CNTN6: variants seen among roughly 807,000 people sequenced by gnomAD.
The protein encoded by CNTN6 is contactin 6.
CNTN6 carries 137 observed loss-of-function variants against 122.8 expected under a neutral mutation model. The ratio of observed to expected loss-of-function variants is 1.12; its 90% CI spans 0.97 to 1.29. The LOEUF is 1.29. Ranked by LOEUF, CNTN6 falls within the 50% of genes most tolerant of loss-of-function variation. The pLI is 0.00. For synonymous variants in CNTN6, 570 were observed against 426.0 expected, an observed-to-expected ratio of 1.34 and a Z score of -4.16; for missense variants, 1,634 against 1,223.4, an observed-to-expected ratio of 1.34 and a Z score of -5.01.
chr3:1,245,232 A>G (rs1559595724), intron 4 of CNTN6, among the ~76,000 whole-genome samples: 171 of 13,178 alleles, frequency 0.013, 48 homozygotes, highest in African/African-American at 0.071. Flanking sequence ...ATATATATAT[A>G]TATACACACA....
At chr3:1,151,520 T>C (rs957375530) in intron 2 of CNTN6, among the ~76,000 whole-genome samples, 4 of 152,208 alleles carry the variant, frequency 2.6e-5, no homozygotes, top group African/African-American at 4.8e-5. Flanking sequence ...TATGCTTTAC[T>C]GATTCTCCAT....
chr3:1,387,768 G>GAGTT (rs199631036), intron 20 of CNTN6, among the ~76,000 whole-genome samples: 23,403 of 152,182 alleles, frequency 0.15, 1,965 homozygotes, highest in Non-Finnish European at 0.18. Context: ...AGGGGTCAGG[G>GAGTT]AGTTCCCTTT....
At chr3:1,228,584 A>G (rs1007609678) in intron 4 of CNTN6, among the ~76,000 whole-genome samples, 68 of 152,310 alleles carry the variant, frequency 4.5e-4, no homozygotes, top group Non-Finnish European at 4.7e-4. Context: ...TCCTTTATAT[A>G]TAGTGTTTCC....
At chr3:1,310,934 G>T (rs145475542) in intron 7 of CNTN6, among the ~76,000 whole-genome samples, 2,073 of 152,182 alleles carry the variant, frequency 0.014, 57 homozygotes, top group African/African-American at 0.047. Context: ...CCGGGAGGCA[G>T]AAGTTGCTGT....
Position 1,325,900 on chromosome 3 carries a change from G to A in CNTN6, c.1032G>A (p.Lys344=), listed in dbSNP as rs371854767. ...TCTGGGAATGTAAAGCTAGTGGAAA[G>A]CCAAACCCTTGGTATACATGGTTAA... ...NLLWECKASG[K]PNPWYTWLKN... The change falls in exon 9 of 23, where the codon AAG becomes AAA. Residue 344 remains lysine (K), a synonymous_variant. Transcript: ENST00000446702. 275 of 1,611,714 alleles carry A rather than the reference G, an allele frequency of 1.7e-4. No homozygotes were observed. Among genetic ancestry groups the A allele is most frequent in the Non-Finnish European group, 2.3e-4 (267 of 1,178,652 alleles).
chr3:1,248,353 A>T (rs1056356377), intron 4 of CNTN6, among the ~76,000 whole-genome samples: 3 of 152,224 alleles, frequency 2.0e-5, no homozygotes, highest in Non-Finnish European at 4.4e-5. Flanking sequence ...ATTCTCTGTG[A>T]TGTATGCTTT....
At chr3:1,332,511 G>GA (rs1206317710) in intron 11 of CNTN6, among the ~76,000 whole-genome samples, 1 of 114,418 alleles carries the variant, frequency 8.7e-6, no homozygotes, top group Non-Finnish European at 1.8e-5. Context: ...AGGAAGGAAG[G>GA]AAGGAAGGAA....
At chr3:1,129,027 G>A (rs1045847815) in intron 1 of CNTN6, among the ~76,000 whole-genome samples, 1 of 151,860 alleles carries the variant, frequency 6.6e-6, no homozygotes, top group Non-Finnish European at 1.5e-5. Context: ...TAAATACATA[G>A]AAGGTAAAAA....
At chr3:1,238,278 C>T (rs2094444803) in intron 4 of CNTN6, among the ~76,000 whole-genome samples, 1 of 152,096 alleles carries the variant, frequency 6.6e-6, no homozygotes, top group African/African-American at 2.4e-5. Context: ...CAAAAGCAAG[C>T]AGGAGTAGCT....
intron 1 of CNTN6, among the ~76,000 whole-genome samples, chr3:1,139,298 T>G (rs1237613920): frequency 6.6e-6 from 1 of 152,144 alleles, no homozygotes; most frequent in African/African-American, 2.4e-5. Flanking sequence ...TGTTATTGAA[T>G]TCATTGCTGA....
At chr3:1,210,525 T>TG (rs2094022016) in intron 2 of CNTN6, among the ~76,000 whole-genome samples, 1 of 152,110 alleles carries the variant, frequency 6.6e-6, no homozygotes, top group Non-Finnish European at 1.5e-5. Flanking sequence ...AGTATGAGTT[T>TG]GAAAAACTAA....
chr3:1,138,069 C>G (rs1490104434), intron 1 of CNTN6, among the ~76,000 whole-genome samples: 1 of 152,246 alleles, frequency 6.6e-6, no homozygotes, highest in Non-Finnish European at 1.5e-5. Flanking sequence ...CACTGACCCT[C>G]ATAAGTCATG....
Position 1,401,495 on chromosome 3 carries a change from T to A in CNTN6, c.2767T>A (p.Trp923Arg). 2 of 1,612,118 alleles carry A rather than the reference T, an allele frequency of 1.2e-6. No homozygotes were observed. Among genetic ancestry groups the A allele is most frequent in the Non-Finnish European group, 1.7e-6 (2 of 1,178,674 alleles). The change falls in exon 21 of 23, where the codon TGG (tryptophan) becomes AGG (arginine). Residue 923 changes from tryptophan to arginine, a missense_variant. Physicochemically the swap from Trp to Arg is moderately radical, Grantham distance 101 (BLOSUM62 -3). Coordinates refer to ENST00000446702, the MANE Select transcript of CNTN6 (RefSeq NM_001289080.2). The part of the protein sequence containing the change: ...KLTNSKLCLN[W>R]EHVKTMENES... ...GACAAACTCTAAATTATGCTTGAAC[T>A]GGGAGCATGTAAAAACCATGGAAAA...
Position 1,374,329 on chromosome 3 carries a change from G to A in CNTN6, c.2095+256G>A, listed in dbSNP as rs146090018. ...GTTCTTAGGAAACTGTGTTTGCATC[G>A]CATCTATTTTCTAGTCAAAATTCAT... On this transcript the variant is annotated intron_variant, in intron 16 of 22. Coordinates refer to ENST00000446702, the MANE Select transcript of CNTN6 (RefSeq NM_001289080.2). 7.4e-3 allele frequency among the ~76,000 whole-genome samples: 1,129 copies of A among 152,036 alleles called. 20 individuals are homozygous for A. The highest frequency in any genetic ancestry group is 0.026 in the African/African-American group (1,073 of 41,486).
At chr3:1,262,851 A>G (rs1371088520) in intron 4 of CNTN6, among the ~76,000 whole-genome samples, 1 of 152,050 alleles carries the variant, frequency 6.6e-6, no homozygotes, top group Non-Finnish European at 1.5e-5. Context: ...ACCCACATAT[A>G]TAGTATAAAT....
intron 1 of CNTN6, among the ~76,000 whole-genome samples, chr3:1,119,004 G>A (rs1290015171): frequency 6.6e-6 from 1 of 152,088 alleles, no homozygotes; most frequent in African/African-American, 2.4e-5. Context: ...ATACATAAAG[G>A]GCTAAATTCA....
rs1211008614 is a variant in CNTN6 at position 1,098,789 on chromosome 3, C to CACATATATAT, written c.-83+5670_-83+5671insCATATATATA. On this transcript the variant is annotated intron_variant, in intron 1 of 22. Coordinates refer to ENST00000446702, the MANE Select transcript of CNTN6 (RefSeq NM_001289080.2). ...ACACACACACACACACACACACACA[C>CACATATATAT]ATATATATATATATATATATATATA... Among the ~76,000 whole-genome samples the CACATATATAT allele has an allele frequency of 7.2e-3, 457 of 63,132 alleles. 5 individuals are homozygous for CACATATATAT. Among genetic ancestry groups the CACATATATAT allele is most frequent in the Middle Eastern group, 0.026 (3 of 116 alleles). The allele number at this position is 63,132 out of a possible 152,430, so 41.4% of individuals were successfully genotyped here. A position where few individuals can be genotyped will look rare whatever the true frequency, so the allele number is the denominator to read the frequency against.
rs187895866 is a variant in CNTN6 at position 1,312,115 on chromosome 3, A to G, written c.762-9535A>G. On this transcript the variant is annotated intron_variant, in intron 7 of 22. Coordinates refer to ENST00000446702, the MANE Select transcript of CNTN6 (RefSeq NM_001289080.2). ...TCTTGCCAGTTTCTCAAGAAAGATT[A>G]TAGAGGGGCCACTGTCAAAGACCAG... 4.2e-3 allele frequency among the ~76,000 whole-genome samples: 637 copies of G among 152,184 alleles called. 3 individuals carry two copies. The highest frequency in any genetic ancestry group is 6.8e-3 in the Non-Finnish European group (461 of 67,980).
At position 1,368,369 on chromosome 3, in the gene CNTN6, T is replaced by C. The variant is rs571086562; in HGVS notation, c.1493-3930T>C. On this transcript the variant is annotated intron_variant, in intron 12 of 22. Transcript: ENST00000446702. ...CAGATTTGTATAAAGAGTTAAATCT[T>C]TTTAGAAAAATATTGGTGAAGAGAA... 8.9e-4 allele frequency among the ~76,000 whole-genome samples: 136 copies of C among 152,336 alleles called. 1 individual carries two copies. Among genetic ancestry groups the C allele is most frequent in the African/African-American group, 3.1e-3 (129 of 41,588 alleles).
Sources: allele counts gnomAD v4.1 joint callset (sites outside exome capture counted in the v4.1 genomes callset), GRCh38; gene constraint gnomAD v4.1.1; transcripts MANE v1.5; gene names NCBI Gene and HGNC (gene_info 2026-07-23, HGNC 2026-07-21).